PDPR: variants seen among roughly 807,000 people sequenced by gnomAD.
PDPR encodes pyruvate dehydrogenase phosphatase regulatory subunit, mitochondrial.
Under a neutral mutation model 102.2 loss-of-function variants are expected in PDPR, and 50 were observed. That is an observed-to-expected ratio of 0.49 (90% CI 0.39 to 0.62). The LOEUF is 0.62. Ranked by LOEUF, PDPR falls within the 20% of genes least tolerant of loss-of-function variation. PDPR has a pLI of 0.00. For missense variants in PDPR, 625 were observed against 1,098.2 expected, an observed-to-expected ratio of 0.57 and a Z score of 6.09; for synonymous variants, 259 against 406.0, an observed-to-expected ratio of 0.64 and a Z score of 4.35.
intron 3 of PDPR, among the ~76,000 whole-genome samples, chr16:70,123,471 C>G (rs1179556774): frequency 6.6e-6 from 1 of 152,264 alleles, no homozygotes; most frequent in East Asian, 1.9e-4. Context: ...CTCCTGGGCT[C>G]AAGTGATCCG....
intron 3 of PDPR, among the ~76,000 whole-genome samples, chr16:70,126,331 C>T (rs1386419722): frequency 3.3e-5 from 5 of 152,274 alleles, no homozygotes; most frequent in Admixed American, 3.3e-4. Flanking sequence ...CTTGCCTCAG[C>T]TTCCCAAGTA....
chr16:70,133,322 ATG>A (rs1369849723), intron 9 of PDPR, among the ~76,000 whole-genome samples: 1 of 151,496 alleles, frequency 6.6e-6, no homozygotes, highest in Non-Finnish European at 1.5e-5. Flanking sequence ...GGGTTTCACC[ATG>A]TTGATCAGGC....
chr16:70,156,780 C>A lies in PDPR; in HGVS notation c.2541C>A (p.Tyr847Ter). The change falls in exon 19 of 19, where the codon TAC (tyrosine) becomes TAA (stop). Residue 847 changes from tyrosine (Y) to a stop codon, truncating the protein, a stop_gained. Coordinates refer to ENST00000288050, the MANE Select transcript of PDPR (RefSeq NM_017990.5). LOFTEE classifies it high-confidence loss of function. The part of the protein sequence containing the change: ...RGEYEIDIAG[Y>*]RFQAKAKLYP... ...AGTATGAGATTGACATCGCGGGATA[C>A]CGCTTCCAGGCCAAGGCCAAGCTCT... 1.2e-6 allele frequency: 2 copies of A among 1,614,074 alleles called. No homozygotes were observed. Among genetic ancestry groups the A allele is most frequent in the Non-Finnish European group, 1.7e-6 (2 of 1,179,904 alleles).
At chr16:70,140,538 G>A (rs1241644777) in intron 11 of PDPR, among the ~76,000 whole-genome samples, 16 of 152,284 alleles carry the variant, frequency 1.1e-4, no homozygotes, top group African/African-American at 3.4e-4. Flanking sequence ...TGGGGAAGGC[G>A]CCAGGCGCAG....
chr16:70,139,376 C>G (rs1322337517), intron 11 of PDPR, among the ~76,000 whole-genome samples: 1 of 152,186 alleles, frequency 6.6e-6, no homozygotes, highest in Non-Finnish European at 1.5e-5. Context: ...CTTGAGAGAC[C>G]CTGTGTCGAA....
At chr16:70,148,096 C>T (rs1338179309) in intron 16 of PDPR, among the ~76,000 whole-genome samples, 2 of 152,250 alleles carry the variant, frequency 1.3e-5, no homozygotes, top group Non-Finnish European at 2.9e-5. Context: ...CAGGGTTTGT[C>T]TGCTGATTCC....
intron 17 of PDPR, among the ~76,000 whole-genome samples, chr16:70,152,255 A>T (rs917769653): frequency 6.6e-6 from 1 of 152,276 alleles, no homozygotes; most frequent in African/African-American, 2.4e-5. Flanking sequence ...ACGGTGGCTC[A>T]TGTCTGTAAT....
At chr16:70,121,095 T>A (rs1241303556) in intron 3 of PDPR, among the ~76,000 whole-genome samples, 2 of 152,014 alleles carry the variant, frequency 1.3e-5, no homozygotes, top group Admixed American at 1.3e-4. Flanking sequence ...CAGCAACATT[T>A]TAGACTTTGA....
chr16:70,156,426 C>G, intron 18 of PDPR, 49 bp from the exon 19 acceptor site: 5 of 1,597,618 alleles, frequency 3.1e-6, no homozygotes, highest in Non-Finnish European at 4.3e-6. Flanking sequence ...CTCTCTGTGC[C>G]GAGGGTCTGA....
intron 3 of PDPR, among the ~76,000 whole-genome samples, chr16:70,124,996 G>A (rs1422775099): frequency 2.0e-5 from 3 of 152,212 alleles, no homozygotes; most frequent in Non-Finnish European, 4.4e-5. Context: ...ATATTCTGTT[G>A]CTACCACAAA....
At chr16:70,133,674 T>G (rs1320775285) in intron 9 of PDPR, among the ~76,000 whole-genome samples, 6 of 152,206 alleles carry the variant, frequency 3.9e-5, no homozygotes, top group African/African-American at 1.4e-4. Context: ...TGCCTTGGTC[T>G]CCCAAAGTGC....
At chr16:70,144,904 C>T (rs1373764761) in intron 15 of PDPR, among the ~76,000 whole-genome samples, 1 of 145,500 alleles carries the variant, frequency 6.9e-6, no homozygotes, top group Non-Finnish European at 1.5e-5. Context: ...GCAGTGAGCC[C>T]CAGATTGCAC....
chr16:70,133,604 G>C (rs142570264), intron 9 of PDPR, among the ~76,000 whole-genome samples: 347 of 151,896 alleles, frequency 2.3e-3, no homozygotes, highest in African/African-American at 8.3e-3. Context: ...TTTTAGTAGA[G>C]ACAGGATTTT....
At chr16:70,115,784 G>C (rs537225711) in intron 2 of PDPR, among the ~76,000 whole-genome samples, 7 of 151,812 alleles carry the variant, frequency 4.6e-5, no homozygotes, top group African/African-American at 1.7e-4. Context: ...AATATTATAC[G>C]GTCATTTTCC....
At chr16:70,144,967 A>G (rs1230048633) in intron 15 of PDPR, among the ~76,000 whole-genome samples, 1 of 151,316 alleles carries the variant, frequency 6.6e-6, no homozygotes, top group Non-Finnish European at 1.5e-5. Flanking sequence ...AAAAAAGAAA[A>G]TTGAGGGCTG....
Position 70,132,414 on chromosome 16 carries a change from A to T in PDPR, c.997+114A>T, listed in dbSNP as rs558354818. ...AATGTTTATAACATCGCCATGAGGT[A>T]CAACAGTGGTTACAGAGGGTGAGTT... On this transcript the variant is annotated intron_variant, in intron 9 of 18. Transcript: ENST00000288050. 531 of 1,059,978 alleles carry T rather than the reference A, an allele frequency of 5.0e-4. 1 individual carries two copies. Among genetic ancestry groups the T allele is most frequent in the South Asian group, 2.6e-3 (157 of 61,562 alleles). 65.7% of individuals were successfully genotyped at this position (1,059,978 alleles called of 1,614,324 possible).
In PDPR at chr16:70,125,360, G is replaced by A. The variant is rs1446111471; in HGVS notation, c.228-1900G>A. Among the ~76,000 whole-genome samples, 3 of 151,484 alleles carry A rather than the reference G, an allele frequency of 2.0e-5. No homozygotes were observed. In the South Asian group the frequency reaches 6.2e-4, roughly 31 times the overall value. On this transcript the variant is annotated intron_variant, in intron 3 of 18. Coordinates refer to ENST00000288050, the MANE Select transcript of PDPR (RefSeq NM_017990.5). ...CATTGCACTCCAATCTGAGTGACGA[G>A]CAAAACTCCGTCTCTAAAAAAACAA...
chr16:70,150,554 G>C (rs2152116990), intron 17 of PDPR, among the ~76,000 whole-genome samples: 1 of 22,256 alleles, frequency 4.5e-5, no homozygotes, highest in African/African-American at 1.6e-4. Flanking sequence ...TTGTGAGACA[G>C]GGCATTGCTC....
At chr16:70,134,221 T>C (rs1453519688) in intron 9 of PDPR, among the ~76,000 whole-genome samples, 1 of 152,170 alleles carries the variant, frequency 6.6e-6, no homozygotes, top group East Asian at 1.9e-4. Context: ...TTTTATTTAT[T>C]TATGTATCCA....
Sources: gnomAD v4.1 joint callset for allele counts (sites outside exome capture counted in the v4.1 genomes callset) on GRCh38, gnomAD v4.1.1 for gene constraint, MANE v1.5 for transcripts, NCBI Gene and HGNC (gene_info 2026-07-23, HGNC 2026-07-21) for gene names.